The following XIAP variants were observed in gnomAD, a reference collection of about 807,000 sequenced individuals.
The protein encoded by XIAP is X-linked inhibitor of apoptosis, also known as E3 ubiquitin-protein ligase XIAP.
A neutral mutation model predicts 33.1 loss-of-function variants in XIAP; 3 were observed. That is an observed-to-expected ratio of 0.09 (90% confidence interval 0.04 to 0.23). The LOEUF is 0.23. Ranked by LOEUF, XIAP falls within the 10% of genes least tolerant of loss-of-function variation. XIAP has a pLI of 1.00. For synonymous variants in XIAP, 98 were observed against 121.3 expected (o/e 0.81, Z 1.26); for missense variants, 264 against 363.0 (o/e 0.73, Z 2.22).
chrX:123,892,882 G>A, intron 5 of XIAP, 109 bp downstream of exon 5: 1 of 687,690 alleles, frequency 1.5e-6, no homozygotes, highest in Non-Finnish European at 2.2e-6. Context: ...GTGCAGTGGT[G>A]CGATCTCAGC....
At chrX:123,861,737 A>G (rs371855362) in intron 1 of XIAP, among the ~76,000 whole-genome samples, 4 of 86,404 alleles carry the variant, frequency 4.6e-5, no homozygotes, top group African/African-American at 1.9e-4. Context: ...TGGTATGTAC[A>G]CATTTATGTG....
chrX:123,864,650 GT>G (rs1292056987), intron 1 of XIAP, among the ~76,000 whole-genome samples: 1 of 44,946 alleles, frequency 2.2e-5, no homozygotes, highest in African/African-American at 1.1e-4. Flanking sequence ...GTGTGTGTGT[GT>G]GTGTGTGTGT....
chrX:123,907,273 A>G lies in XIAP; in HGVS notation c.*92A>G, dbSNP rs781285534. On this transcript the variant is annotated 3_prime_UTR_variant, in exon 7 of 7. Transcript: ENST00000371199. ...CTTTAAGTAATCAGGATTGAATTCCATTAGCATTTGCTACCAAGTAGGAAA... is the reference window on the plus strand; with the variant it reads ...CTTTAAGTAATCAGGATTGAATTCCGTTAGCATTTGCTACCAAGTAGGAAA... 6 of 842,552 alleles carry G rather than the reference A, an allele frequency of 7.1e-6. No homozygotes were observed. The highest frequency in any genetic ancestry group is 1.0e-5 in the Non-Finnish European group (6 of 573,666). 69.4% of individuals were successfully genotyped at this position (842,552 alleles called of 1,213,427 possible).
rs1313657971 is a variant in XIAP at position 123,902,095 on chromosome X, T to C, written c.1300+1402T>C. ...AACACAAGCAATTGTGTCATTTTTT[T>C]CCTGCATCTTAAACACGCGCTTAAT... On this transcript the variant is annotated intron_variant, in intron 6 of 6. Coordinates refer to ENST00000371199, the MANE Select transcript of XIAP (RefSeq NM_001167.4). Among the ~76,000 whole-genome samples the C allele has an allele frequency of 4.4e-5, 5 of 112,486 alleles. No individual in the cohort carries two copies. The East Asian group carries it at 1.4e-3, about 31-fold the overall frequency.
At chrX:123,889,472 T>A (rs1179678073) in intron 3 of XIAP, among the ~76,000 whole-genome samples, 1 of 109,141 alleles carries the variant, frequency 9.2e-6, no homozygotes, top group Admixed American at 9.9e-5. Context: ...TCCCAAAGTG[T>A]TGGCATTACA....
At chrX:123,891,475 AAC>A (rs1209756265) in intron 4 of XIAP, among the ~76,000 whole-genome samples, 159 bp downstream of exon 4, 2 of 111,957 alleles carry the variant, frequency 1.8e-5, no homozygotes, top group East Asian at 2.8e-4. Context: ...ATTACATCAA[AAC>A]ACAAATTTTA....
intron 1 of XIAP, among the ~76,000 whole-genome samples, chrX:123,874,734 G>C (rs769926453): frequency 2.3e-5 from 2 of 85,964 alleles, no homozygotes; most frequent in East Asian, 7.9e-4. Context: ...TCCCTCTGTT[G>C]CCCAGGCTTG....
intron 3 of XIAP, among the ~76,000 whole-genome samples, chrX:123,889,616 C>G (rs2053386193): frequency 9.2e-6 from 1 of 108,872 alleles, no homozygotes; most frequent in African/African-American, 3.4e-5. Context: ...CTCCTGGGTT[C>G]AAGTGATTCT....
rs143165174 is a variant in XIAP at position 123,907,095 on chromosome X, A to G, written c.1408A>G (p.Thr470Ala). 1 of 1,211,778 alleles carries G rather than the reference A, an allele frequency of 8.3e-7. No homozygotes were observed. Among genetic ancestry groups the G allele is most frequent in the South Asian group, 1.8e-5 (1 of 56,975 alleles). ...TTTTGTTCCTTGTGGACATCTAGTC[A>G]CTTGTAAACAATGTGCTGAAGCAGT... ...IVFVPCGHLV[T>A]CKQCAEAVDK... The change falls in exon 7 of 7, where the codon ACT becomes GCT. Residue 470 changes from threonine to alanine, a missense_variant. By Grantham distance (58) the Thr-to-Ala change is moderately conservative. Coordinates refer to ENST00000371199, the MANE Select transcript of XIAP (RefSeq NM_001167.4).
chrX:123,911,002 T>A lies in XIAP; in HGVS notation c.*3821T>A, dbSNP rs1343041413. ...GAAAATAATACTTATCTTACAAGGTTGCAAGAGCTCAAGGAGACCATGTAT... is the reference window on the plus strand; with the variant it reads ...GAAAATAATACTTATCTTACAAGGTAGCAAGAGCTCAAGGAGACCATGTAT... On this transcript the variant is annotated 3_prime_UTR_variant, in exon 7 of 7. Transcript: ENST00000371199. 1 of 329,357 alleles carries A rather than the reference T, an allele frequency of 3.0e-6. No homozygotes were observed. Among genetic ancestry groups the A allele is most frequent in the Non-Finnish European group, 5.9e-6 (1 of 169,988 alleles). The allele number at this position is 329,357 out of a possible 1,213,427, so 27.1% of individuals were successfully genotyped here.
At chrX:123,888,424 TC>T (rs1375316418) in intron 2 of XIAP, among the ~76,000 whole-genome samples, 194 bp from the exon 3 acceptor site, 2 of 112,367 alleles carry the variant, frequency 1.8e-5, no homozygotes, top group Non-Finnish European at 3.8e-5. Flanking sequence ...TCACATTGAA[TC>T]AGTGAATTTA....
Position 123,885,903 on chromosome X carries a change from G to A in XIAP, c.241G>A (p.Gly81Arg). ...DRWQYGDSAV[G>R]RHRKVSPNCR... ...ATGGCAATATGGAGACTCAGCAGTT[G>A]GAAGACACAGGAAAGTATCCCCAAA... is the stretch of plus-strand genomic sequence containing the variant. The change falls in exon 2 of 7, where the codon GGA (glycine) becomes AGA (arginine). Residue 81 changes from glycine to arginine, a missense_variant. Transcript: ENST00000371199. 8.3e-7 allele frequency: 1 copy of A among 1,211,471 alleles called. No homozygotes were observed. The highest frequency in any genetic ancestry group is 1.1e-6 in the Non-Finnish European group (1 of 895,513).
intron 2 of XIAP, among the ~76,000 whole-genome samples, chrX:123,887,095 T>C (rs1022435239): frequency 8.9e-6 from 1 of 112,168 alleles, no homozygotes; most frequent in Admixed American, 9.5e-5. Context: ...AATTTTGTAT[T>C]TTTAGTAGAC....
rs555060248 is a variant in XIAP, at chrX:123,876,582, A to G, written c.-32-9049A>G. Among the ~76,000 whole-genome samples the G allele has an allele frequency of 1.5e-4, 17 of 110,899 alleles. No homozygotes were observed. In the South Asian group the frequency reaches 6.5e-3, roughly 42 times the overall value. On this transcript the variant is annotated intron_variant, in intron 1 of 6. Coordinates refer to ENST00000371199, the MANE Select transcript of XIAP (RefSeq NM_001167.4). ...TAGCAGGGCATGGTGGCATGTGGCT[A>G]TAGTCCCAGCTACTCAGGAGGCTGA...
At chrX:123,883,792 G>A (rs1041927001) in intron 1 of XIAP, among the ~76,000 whole-genome samples, 5 of 111,045 alleles carry the variant, frequency 4.5e-5, no homozygotes, top group Admixed American at 1.9e-4. Flanking sequence ...CACCATGCCC[G>A]GCTGTTTTTT....
chrX:123,894,598 G>A (rs1224669913), intron 5 of XIAP, among the ~76,000 whole-genome samples: 1 of 110,553 alleles, frequency 9.0e-6, no homozygotes. Flanking sequence ...GTGAAACTCC[G>A]TCTCTACTAA....
chrX:123,871,828 T>G (rs376961350), intron 1 of XIAP, among the ~76,000 whole-genome samples: 1 of 110,932 alleles, frequency 9.0e-6, no homozygotes, highest in Admixed American at 9.8e-5. Context: ...AATGGCCGGG[T>G]GCGGTGGCTC....
At chrX:123,864,657 T>A (rs1400465610) in intron 1 of XIAP, among the ~76,000 whole-genome samples, 1 of 100,115 alleles carries the variant, frequency 1.0e-5, no homozygotes, top group Non-Finnish European at 2.0e-5. Context: ...TGTGTGTGTG[T>A]GTGTGTGTGT....
intron 5 of XIAP, among the ~76,000 whole-genome samples, chrX:123,895,156 G>C (rs1192781459): frequency 1.8e-5 from 2 of 110,912 alleles, no homozygotes; most frequent in Admixed American, 1.9e-4. Flanking sequence ...CCTACCCCTA[G>C]GCCAGGGCAA....
Sources: gnomAD v4.1 joint callset for allele counts (sites outside exome capture counted in the v4.1 genomes callset) on GRCh38, gnomAD v4.1.1 for gene constraint, MANE v1.5 for transcripts, NCBI Gene and HGNC (gene_info 2026-07-23, HGNC 2026-07-21) for gene names.